Variants in GPR180 observed in about 807,000 individuals in gnomAD.
GPR180 encodes the protein G protein-coupled receptor 180, also known as integral membrane protein GPR180.
GPR180 carries 53 observed loss-of-function variants against 52.6 expected under a neutral mutation model. The observed-to-expected ratio is 1.01, with a 90% CI of 0.81 to 1.27. The LOEUF is 1.27. GPR180 is among the 50% of genes most tolerant of loss of function. GPR180 has a pLI of 0.00. For missense variants in GPR180, 533 were observed against 527.0 expected (o/e 1.01, Z -0.11); for synonymous variants, 200 against 193.1 (o/e 1.04, Z -0.30).
Position 94,619,294 on chromosome 13 carries a change from C to A in GPR180, c.650C>A (p.Ala217Asp). ...KVLTTALLLQ[A>D]GSALANYIHF... ...CTGACAACTGCATTGCTGTTACAAG[C>A]TGGTTCAGCTTTAGCTAATTACATT... Residue 217 changes from alanine (A) to aspartate (D), a missense_variant, in exon 4 of 9, where the codon GCT becomes GAT. By Grantham distance (126) the Ala-to-Asp change is moderately radical. Transcript: ENST00000376958. 8 of 1,614,132 alleles carry A rather than the reference C, an allele frequency of 5.0e-6. No homozygotes were observed. The highest frequency in any genetic ancestry group is 6.8e-6 in the Non-Finnish European group (8 of 1,180,010).
At chr13:94,617,146 C>T (rs1400348667) in intron 3 of GPR180, among the ~76,000 whole-genome samples, 1 of 151,988 alleles carries the variant, frequency 6.6e-6, no homozygotes, top group African/African-American at 2.4e-5. Context: ...AGTAAATAAC[C>T]TGAGGATTTT....
At chr13:94,623,538 C>T (rs1392891030) in intron 7 of GPR180, among the ~76,000 whole-genome samples, 3 of 152,180 alleles carry the variant, frequency 2.0e-5, no homozygotes, top group East Asian at 1.9e-4. Context: ...AAATTAGCCA[C>T]GCTTTGTGGC....
intron 7 of GPR180, among the ~76,000 whole-genome samples, 184 bp from the exon 8 acceptor site, chr13:94,625,782 G>A (rs1186119928): frequency 2.6e-5 from 4 of 151,936 alleles, no homozygotes; most frequent in Admixed American, 2.6e-4. Flanking sequence ...TACTCATTTG[G>A]TTAGAAACAA....
At chr13:94,604,540 A>T (rs772862104) in intron 1 of GPR180, among the ~76,000 whole-genome samples, 2 of 151,922 alleles carry the variant, frequency 1.3e-5, no homozygotes, top group Non-Finnish European at 2.9e-5. Flanking sequence ...CAGTGAGCCG[A>T]GATTGCGCCA....
In GPR180 at chr13:94,627,158, G is replaced by T; in HGVS notation, c.1310G>T (p.Arg437Leu). 6.2e-7 allele frequency: 1 copy of T among 1,611,760 alleles called. No homozygotes were observed. The highest frequency in any genetic ancestry group is 8.5e-7 in the Non-Finnish European group (1 of 1,179,216). The change falls in exon 9 of 9, where the codon CGC becomes CTC. Residue 437 changes from arginine (R) to leucine (L), a missense_variant. By Grantham distance (102) the Arg-to-Leu change is moderately radical. Transcript: ENST00000376958. Reference protein sequence around the residue: ...PLTISSGHKSRPHF With the variant: ...PLTISSGHKSLPHF The stretch of plus-strand genomic sequence containing the variant: ...ACCATATCATCTGGACACAAAAGTC[G>T]CCCTCATTTCTGATACTTGATTTTT...
rs1406294842 is a variant in GPR180, at chr13:94,633,799, T to C, written c.*6628T>C. On this transcript the variant is annotated 3_prime_UTR_variant, in exon 9 of 9. Transcript: ENST00000376958. ...TTTGAGATTATGTTTAAATGCCCTG[T>C]ATTTTCATCTAGTGGTTTTATGGTT... 1 of 152,170 alleles carries C rather than the reference T, an allele frequency of 6.6e-6. No homozygotes were observed. Among genetic ancestry groups the C allele is most frequent in the Non-Finnish European group, 1.5e-5 (1 of 68,030 alleles). The allele number at this position is 152,170 out of a possible 1,614,324, so 9.4% of individuals were successfully genotyped here.
Position 94,627,422 on chromosome 13 carries a change from G to A in GPR180, c.*251G>A, listed in dbSNP as rs1210377117. ...ATAAAATTATTGAAGCGATTTCTAT[G>A]TGGAAATAAATGTGAAAAATAACTA... On this transcript the variant is annotated 3_prime_UTR_variant, in exon 9 of 9. Transcript: ENST00000376958. The A allele has an allele frequency of 2.4e-6, 1 of 418,520 alleles. No individual in the cohort carries two copies. The highest frequency in any genetic ancestry group is 4.2e-6 in the Non-Finnish European group (1 of 239,970). 25.9% of individuals were successfully genotyped at this position (418,520 alleles called of 1,614,324 possible).
chr13:94,611,163 C>G (rs191857063), intron 2 of GPR180, among the ~76,000 whole-genome samples: 30 of 152,256 alleles, frequency 2.0e-4, no homozygotes, highest in Admixed American at 1.5e-3. Context: ...ACACACCCCC[C>G]ACCCCTGACT....
At chr13:94,613,260 A>AGGT (rs1889735172) in intron 3 of GPR180, among the ~76,000 whole-genome samples, 1 of 152,174 alleles carries the variant, frequency 6.6e-6, no homozygotes, top group Admixed American at 6.5e-5. Flanking sequence ...GGGTGGGTGG[A>AGGT]GGTGAGGCAG....
intron 2 of GPR180, among the ~76,000 whole-genome samples, chr13:94,606,890 T>A (rs1224177069): frequency 1.3e-5 from 2 of 152,228 alleles, no homozygotes; most frequent in African/African-American, 4.8e-5. Flanking sequence ...ATTCAAAACT[T>A]ATCTGGGAAA....
intron 2 of GPR180, 147 bp from the exon 3 acceptor site, chr13:94,612,043 G>T: frequency 1.6e-6 from 1 of 617,870 alleles, no homozygotes. Context: ...TGGTTTACAA[G>T]ACTTATTCCA....
chr13:94,633,844 C>T lies in GPR180; in HGVS notation c.*6673C>T, dbSNP rs1890030797. ...ATGGTTTTATTTTGTATGTTTTTTT[C>T]ATCCACCTGGAATTTATTTTGCTGT... On this transcript the variant is annotated 3_prime_UTR_variant, in exon 9 of 9. Transcript: ENST00000376958. 1 of 151,746 alleles carries T rather than the reference C, an allele frequency of 6.6e-6. No individual in the cohort carries two copies. Among genetic ancestry groups the T allele is most frequent in the Non-Finnish European group, 1.5e-5 (1 of 67,960 alleles). The allele number at this position is 151,746 out of a possible 1,614,324, so 9.4% of individuals were successfully genotyped here.
rs368823937 is a variant in GPR180 at position 94,621,038 on chromosome 13, T to G, written c.737-40T>G. ...GCAAAAAGCACTAAATTTTTTATAT[T>G]GTGAAAACTTGGTTGACGTTGGTTT... is the stretch of plus-strand genomic sequence containing the variant. On this transcript the variant is annotated intron_variant, in intron 5 of 8. Coordinates refer to ENST00000376958, the MANE Select transcript of GPR180 (RefSeq NM_180989.6). 4 of 1,554,876 alleles carry G rather than the reference T, an allele frequency of 2.6e-6. No homozygotes were observed. In the African/African-American group the frequency reaches 5.6e-5, roughly 22 times the overall value.
At chr13:94,615,704 G>A (rs2139568757) in intron 3 of GPR180, among the ~76,000 whole-genome samples, 2 of 152,330 alleles carry the variant, frequency 1.3e-5, no homozygotes, top group South Asian at 4.1e-4. Flanking sequence ...TCCTGAGAGT[G>A]TTATTACCTA....
In GPR180 at chr13:94,601,892, G is replaced by C; in HGVS notation, c.-36G>C. 7.3e-7 allele frequency: 1 copy of C among 1,360,646 alleles called. No individual in the cohort carries two copies. Among genetic ancestry groups the C allele is most frequent in the Non-Finnish European group, 9.5e-7 (1 of 1,055,990 alleles). The allele number at this position is 1,360,646 out of a possible 1,614,324, so 84.3% of individuals were successfully genotyped here. On this transcript the variant is annotated 5_prime_UTR_variant, in exon 1 of 9. Coordinates refer to ENST00000376958, the MANE Select transcript of GPR180 (RefSeq NM_180989.6). Reference sequence around the variant, plus strand: ...GTGGGGCGGGCAGCCGCCGGCGGCTGGGAGCCGAGGCGTCGGTGCAGACCT... The same window carrying C: ...GTGGGGCGGGCAGCCGCCGGCGGCTCGGAGCCGAGGCGTCGGTGCAGACCT...
rs1423276477 is a variant in GPR180, at chr13:94,628,814, C to CA, written c.*1644dup. The CA allele has an allele frequency of 6.6e-6, 1 of 151,952 alleles. No homozygotes were observed. Among genetic ancestry groups the CA allele is most frequent in the Non-Finnish European group, 1.5e-5 (1 of 67,922 alleles). The allele number at this position is 151,952 out of a possible 1,614,324, so 9.4% of individuals were successfully genotyped here. A position where few individuals can be genotyped will look rare whatever the true frequency, so the allele number is the denominator to read the frequency against. ...TTTTATCATGTCTCGCTAATAACCC[C>CA]AGCTATTGTCTGTTGTGTTCAGCTG... On this transcript the variant is annotated 3_prime_UTR_variant, in exon 9 of 9. Transcript: ENST00000376958.
At chr13:94,617,360 TTATAA>T (rs1254298612) in intron 3 of GPR180, among the ~76,000 whole-genome samples, 1 of 152,206 alleles carries the variant, frequency 6.6e-6, no homozygotes. Context: ...CCCACAGTTG[TTATAA>T]TATATTTAGC....
At chr13:94,619,444 C>T (rs761593406) in intron 4 of GPR180, 24 bp from the exon 5 acceptor site, 14 of 1,607,678 alleles carry the variant, frequency 8.7e-6, no homozygotes, top group African/African-American at 4.0e-5. Context: ...TTGTAATTTA[C>T]ACTACTCTTC....
At chr13:94,609,056 G>A (rs985840933) in intron 2 of GPR180, among the ~76,000 whole-genome samples, 7 of 152,122 alleles carry the variant, frequency 4.6e-5, no homozygotes, top group African/African-American at 1.4e-4. Flanking sequence ...GAGGAGATTC[G>A]GAGGAATTTT....
Sources: allele counts gnomAD v4.1 joint callset (sites outside exome capture counted in the v4.1 genomes callset), GRCh38; gene constraint gnomAD v4.1.1; transcripts MANE v1.5; gene names NCBI Gene and HGNC (gene_info 2026-07-23, HGNC 2026-07-21).